ZNF653: variants seen among roughly 807,000 people sequenced by gnomAD.
ZNF653 encodes the protein zinc finger protein 653, also known as 67 kDa zinc finger protein.
In ZNF653, 37 loss-of-function variants were observed where a neutral mutation model predicts 59.9. That is an observed-to-expected ratio of 0.62 (90% CI 0.48 to 0.81). The LOEUF (loss-of-function observed/expected upper bound fraction) is 0.81. Ranked by LOEUF, ZNF653 falls within the 40% of genes least tolerant of loss-of-function variation. ZNF653 has a pLI of 0.00. For synonymous variants in ZNF653, 435 were observed against 371.8 expected (o/e 1.17, Z -1.96); for missense variants, 808 against 881.1 (o/e 0.92, Z 1.05).
chr19:11,490,379 C>CTGT lies in ZNF653; in HGVS notation c.560-2479_560-2477dup, dbSNP rs918846221. On this transcript the variant is annotated intron_variant, in intron 3 of 8. Transcript: ENST00000293771. ...ACTGTTCAAGAGGGTTTTTGTTGTT[C>CTGT]TGTTGTTGTTGTTGTTTGTTTTTTT... is the stretch of plus-strand genomic sequence containing the variant. Among the ~76,000 whole-genome samples, 3 of 152,110 alleles carry CTGT rather than the reference C, an allele frequency of 2.0e-5. No homozygotes were observed. In the East Asian group the frequency reaches 5.8e-4, roughly 29 times the overall value.
intron 1 of ZNF653, among the ~76,000 whole-genome samples, chr19:11,502,534 C>T (rs1385132962): frequency 6.6e-6 from 1 of 152,168 alleles, no homozygotes; most frequent in Non-Finnish European, 1.5e-5. Flanking sequence ...ATCCTAGAGA[C>T]AGTTTCTTCT....
Position 11,495,945 on chromosome 19 carries a change from C to T in ZNF653, c.559+5G>A. ...CCCCTATGTGCCCTCGCCCTGCAGA[C>T]CTACCTTTGTCACTGTCAGGGTCTG... On this transcript the variant is annotated splice_donor_5th_base_variant and intron_variant, in intron 3 of 8. Coordinates refer to ENST00000293771, the MANE Select transcript of ZNF653 (RefSeq NM_138783.4). The surrounding 1 kb of genome is among the most constrained non-coding windows in gnomAD (Gnocchi z 4.9). The T allele has an allele frequency of 6.2e-7, 1 of 1,613,706 alleles. No individual in the cohort carries two copies. Among genetic ancestry groups the T allele is most frequent in the African/African-American group, 1.3e-5 (1 of 75,068 alleles).
chr19:11,502,107 T>G (rs935480869), intron 1 of ZNF653, among the ~76,000 whole-genome samples: 1 of 151,206 alleles, frequency 6.6e-6, no homozygotes, highest in Non-Finnish European at 1.5e-5. Context: ...TTTATTTTAC[T>G]TTTTGAGACA....
At chr19:11,494,026 A>G (rs1209857294) in intron 3 of ZNF653, among the ~76,000 whole-genome samples, 1 of 150,278 alleles carries the variant, frequency 6.7e-6, no homozygotes, top group Non-Finnish European at 1.5e-5. Flanking sequence ...TAAAAAAAAT[A>G]AATAAAAATA....
At chr19:11,500,632 C>T in intron 1 of ZNF653, 1 of 152,438 alleles carries the variant, frequency 6.6e-6, no homozygotes, top group Non-Finnish European at 1.5e-5. Context: ...CCATGCCCTG[C>T]CCCAAACCCA....
At position 11,483,508 on chromosome 19, in the gene ZNF653, G is replaced by C; in HGVS notation, c.*174C>G. On this transcript the variant is annotated 3_prime_UTR_variant, in exon 9 of 9. Transcript: ENST00000293771. ...AGCCCCAGGCACCAGCTCCGAGAAG[G>C]ATGCGGTGGGGCGGGGTGGGGAACC... 7.1e-7 allele frequency: 1 copy of C among 1,401,652 alleles called. No individual in the cohort carries two copies. 86.8% of individuals were successfully genotyped at this position (1,401,652 alleles called of 1,614,324 possible). A position where few individuals can be genotyped will look rare whatever the true frequency, so the allele number is the denominator to read the frequency against.
In ZNF653 at chr19:11,505,479, C is replaced by G. The variant is rs764917930; in HGVS notation, c.299+9G>C. ...CCTCCCTCCCTCCCTCGGGGCCAGGCCCCCTCACCCGTGGCGGCCGCTCCG... is the reference window on the plus strand; with the variant it reads ...CCTCCCTCCCTCCCTCGGGGCCAGGGCCCCTCACCCGTGGCGGCCGCTCCG... On this transcript the variant is annotated intron_variant, in intron 1 of 8. Transcript: ENST00000293771. 5 of 1,474,124 alleles carry G rather than the reference C, an allele frequency of 3.4e-6. No individual in the cohort carries two copies. In the South Asian group the frequency reaches 5.3e-5, roughly 15 times the overall value. The allele number at this position is 1,474,124 out of a possible 1,614,324, so 91.3% of individuals were successfully genotyped here. A position where few individuals can be genotyped will look rare whatever the true frequency, so the allele number is the denominator to read the frequency against.
intron 1 of ZNF653, among the ~76,000 whole-genome samples, chr19:11,502,177 C>T (rs1215304216): frequency 6.6e-6 from 1 of 150,850 alleles, no homozygotes; most frequent in Non-Finnish European, 1.5e-5. Flanking sequence ...CTGCAACCTC[C>T]ACCTCCCGGG....
chr19:11,505,129 A>T (rs1181315999), intron 1 of ZNF653: 2 of 221,942 alleles, frequency 9.0e-6, no homozygotes, highest in Non-Finnish European at 1.8e-5. Context: ...TAAGCGGGGG[A>T]GGATGAGACC....
rs1235624965 is a variant in ZNF653 at position 11,483,442 on chromosome 19, T to C, written c.*240A>G. ...GGGAAGGGCATCTCCTTTCTCGCTCTTTAATCTCACTCTGCTCTCTTGACA... is the reference window on the plus strand; with the variant it reads ...GGGAAGGGCATCTCCTTTCTCGCTCCTTAATCTCACTCTGCTCTCTTGACA... On this transcript the variant is annotated 3_prime_UTR_variant, in exon 9 of 9. Transcript: ENST00000293771. 2 of 1,335,242 alleles carry C rather than the reference T, an allele frequency of 1.5e-6. No homozygotes were observed. The highest frequency in any genetic ancestry group is 2.9e-4 in the Middle Eastern group (1 of 3,446). The allele number at this position is 1,335,242 out of a possible 1,614,324, so 82.7% of individuals were successfully genotyped here.
intron 3 of ZNF653, among the ~76,000 whole-genome samples, chr19:11,489,940 G>T (rs1389705457): frequency 6.6e-6 from 1 of 152,160 alleles, no homozygotes; most frequent in African/African-American, 2.4e-5. Flanking sequence ...GGGGTTAAAG[G>T]CCACCCTCCG....
chr19:11,496,288 A>G, intron 2 of ZNF653, 123 bp from the exon 3 acceptor site: 1 of 908,792 alleles, frequency 1.1e-6, no homozygotes, highest in Non-Finnish European at 1.7e-6. Flanking sequence ...AGTACCATCC[A>G]GGCCTGTACC....
intron 3 of ZNF653, among the ~76,000 whole-genome samples, chr19:11,490,512 G>T (rs908851067): frequency 3.3e-5 from 5 of 151,758 alleles, no homozygotes; most frequent in African/African-American, 9.7e-5. Flanking sequence ...TCAGCCTCCT[G>T]AGTAGCTGGG....
At position 11,505,355 on chromosome 19, in the gene ZNF653, G is replaced by T. The variant is rs779140368; in HGVS notation, c.299+133C>A. The T allele has an allele frequency of 2.4e-5, 23 of 973,078 alleles. No individual in the cohort carries two copies. In the East Asian group the frequency reaches 7.6e-4, roughly 32 times the overall value. 60.3% of individuals were successfully genotyped at this position (973,078 alleles called of 1,614,324 possible). ...TCCCGGCCAGGCAGTACGAGACCCAGGCCGCCGGCCCGGCTCCTGGGCGGG... is the reference window on the plus strand; with the variant it reads ...TCCCGGCCAGGCAGTACGAGACCCATGCCGCCGGCCCGGCTCCTGGGCGGG... On this transcript the variant is annotated intron_variant, in intron 1 of 8. Transcript: ENST00000293771.
intron 3 of ZNF653, among the ~76,000 whole-genome samples, chr19:11,489,740 A>C (rs1419130735): frequency 1.3e-5 from 2 of 152,158 alleles, no homozygotes; most frequent in Non-Finnish European, 2.9e-5. Context: ...CTGTTCCAAG[A>C]TGACTGACCC....
Position 11,487,237 on chromosome 19 carries a change from G to A in ZNF653, c.1171+55C>T, listed in dbSNP as rs763718503. The A allele has an allele frequency of 3.9e-5, 63 of 1,598,444 alleles. No homozygotes were observed. The highest frequency in any genetic ancestry group is 2.9e-4 in the African/African-American group (22 of 74,760). On this transcript the variant is annotated intron_variant, in intron 4 of 8. Coordinates refer to ENST00000293771, the MANE Select transcript of ZNF653 (RefSeq NM_138783.4). This position sits in a 1 kb window ranked among gnomAD's most constrained non-coding sequence, Gnocchi z 5.1. ...CCACTTCGAGGGCCATTCCTCGCCC[G>A]GCCCCTCCCAGGCCCAACCACCCCT...
rs1971477126 is a variant in ZNF653 at position 11,487,221 on chromosome 19, GGGCCATTCCTCGCCC to G, written c.1171+56_1172-64del. The G allele has an allele frequency of 6.2e-7, 1 of 1,600,816 alleles. No individual in the cohort carries two copies. Among genetic ancestry groups the G allele is most frequent in the Non-Finnish European group, 8.5e-7 (1 of 1,173,352 alleles). ...AAGGCTGCCGAGGTGCCCACTTCGA[GGGCCATTCCTCGCCC>G]GGCCCCTCCCAGGCCCAACCACCCC... On this transcript the variant is annotated intron_variant, in intron 4 of 8. Transcript: ENST00000293771. The surrounding 1 kb of genome is among the most constrained non-coding windows in gnomAD (Gnocchi z 5.1).
chr19:11,485,796 G>C (rs1163372309), intron 6 of ZNF653, 26 bp from the exon 7 acceptor site: 6 of 1,580,838 alleles, frequency 3.8e-6, no homozygotes, highest in Non-Finnish European at 5.2e-6. Flanking sequence ...GCAGAAGTGG[G>C]TCCCATAGGC....
chr19:11,487,001 G>T lies in ZNF653; in HGVS notation c.1329C>A (p.Pro443=). ...CCGGCACCCACTTCTCAGGCTCCTT[G>T]GGGATTTCATAGATGATGGCTGACA... ...SDMSAIIYEI[P]KEPEKRRRSK... Residue 443 remains proline (P), a synonymous_variant, in exon 5 of 9, where the codon CCC becomes CCA. Coordinates refer to ENST00000293771, the MANE Select transcript of ZNF653 (RefSeq NM_138783.4). The surrounding 1 kb of genome is among the most constrained non-coding windows in gnomAD (Gnocchi z 5.1). 1 of 1,613,974 alleles carries T rather than the reference G, an allele frequency of 6.2e-7. No individual in the cohort carries two copies.
Sources: gnomAD v4.1 joint callset for allele counts (sites outside exome capture counted in the v4.1 genomes callset) on GRCh38, gnomAD v4.1.1 for gene constraint, Gnocchi (gnomAD v3.1) non-coding constraint, MANE v1.5 for transcripts, NCBI Gene and HGNC (gene_info 2026-07-23, HGNC 2026-07-21) for gene names.